CFAP299: variants seen among roughly 807,000 people sequenced by gnomAD.
The protein encoded by CFAP299 is cilia and flagella associated protein 299.
Under a neutral mutation model 27.0 loss-of-function variants are expected in CFAP299, and 21 were observed. The ratio of observed to expected loss-of-function variants is 0.78; its 90% CI spans 0.55 to 1.12. The LOEUF (loss-of-function observed/expected upper bound fraction) is 1.12. CFAP299 is among the 50% of genes most tolerant of loss of function. The pLI is 0.00. For missense variants in CFAP299, 310 were observed against 276.6 expected (o/e 1.12, Z -0.86); for synonymous variants, 104 against 98.1 (o/e 1.06, Z -0.36).
chr4:80,378,276 C>A (rs1442661959), intron 2 of CFAP299, among the ~76,000 whole-genome samples: 1 of 152,066 alleles, frequency 6.6e-6, no homozygotes, highest in East Asian at 1.9e-4. Context: ...TCTCTGTTAA[C>A]CTTTCATCAT....
At chr4:80,741,155 C>G (rs1724241040) in intron 3 of CFAP299, among the ~76,000 whole-genome samples, 1 of 151,394 alleles carries the variant, frequency 6.6e-6, no homozygotes, top group South Asian at 2.1e-4. Context: ...TACTGTTTCA[C>G]TCCTGAACAG....
chr4:80,389,690 G>C (rs984094959), intron 2 of CFAP299, among the ~76,000 whole-genome samples: 4 of 152,144 alleles, frequency 2.6e-5, no homozygotes, highest in African/African-American at 9.7e-5. Context: ...TTGGCTAACC[G>C]AGTTCATTAC....
At chr4:80,726,849 G>C (rs964535222) in intron 3 of CFAP299, among the ~76,000 whole-genome samples, 2 of 152,000 alleles carry the variant, frequency 1.3e-5, no homozygotes, top group Non-Finnish European at 2.9e-5. Flanking sequence ...ACACCCATGA[G>C]ATATTATATA....
At chr4:80,449,405 A>G (rs1268510860) in intron 2 of CFAP299, among the ~76,000 whole-genome samples, 2 of 151,754 alleles carry the variant, frequency 1.3e-5, no homozygotes, top group African/African-American at 2.4e-5. Flanking sequence ...CTCAACCTTC[A>G]TTCTATCTTT....
At chr4:80,392,890 CCTT>C (rs1204123526) in intron 2 of CFAP299, among the ~76,000 whole-genome samples, 1 of 152,058 alleles carries the variant, frequency 6.6e-6, no homozygotes, top group African/African-American at 2.4e-5. Context: ...AAAGTGCACT[CCTT>C]CTACTTATTA....
intron 3 of CFAP299, among the ~76,000 whole-genome samples, chr4:80,834,351 T>C (rs546452749): frequency 6.6e-6 from 1 of 152,310 alleles, no homozygotes; most frequent in East Asian, 1.9e-4. Flanking sequence ...TCTTGGGTCC[T>C]TGTGAGGATA....
intron 3 of CFAP299, among the ~76,000 whole-genome samples, chr4:80,635,643 A>G (rs1441907699): frequency 6.6e-6 from 1 of 152,190 alleles, no homozygotes; most frequent in Admixed American, 6.5e-5. Flanking sequence ...AATTAATAAG[A>G]GAAACATAAA....
intron 2 of CFAP299, among the ~76,000 whole-genome samples, chr4:80,367,774 C>T (rs145947152): frequency 4.6e-5 from 7 of 152,320 alleles, no homozygotes; most frequent in Admixed American, 3.9e-4. Context: ...AGTAATTTAG[C>T]TGATACCCAT....
At chr4:80,489,295 C>T (rs1730993237) in intron 2 of CFAP299, among the ~76,000 whole-genome samples, 1 of 152,116 alleles carries the variant, frequency 6.6e-6, no homozygotes, top group Non-Finnish European at 1.5e-5. Context: ...ATGGCTGCAG[C>T]TTCTCACGCA....
chr4:80,700,650 G>A (rs1423382443), intron 3 of CFAP299, among the ~76,000 whole-genome samples: 1 of 151,976 alleles, frequency 6.6e-6, no homozygotes, highest in Non-Finnish European at 1.5e-5. Flanking sequence ...AGAAACCAGT[G>A]CATTCAGGAA....
intron 3 of CFAP299, among the ~76,000 whole-genome samples, chr4:80,641,146 TAA>T (rs1422848933): frequency 6.6e-6 from 1 of 152,206 alleles, no homozygotes; most frequent in African/African-American, 2.4e-5. Flanking sequence ...ATCTATATTT[TAA>T]AAGTCACTTA....
intron 2 of CFAP299, among the ~76,000 whole-genome samples, chr4:80,542,705 C>G (rs1422911112): frequency 6.6e-6 from 1 of 152,118 alleles, no homozygotes; most frequent in African/African-American, 2.4e-5. Context: ...CCTCACCTAC[C>G]CTGCCAGAGC....
intron 4 of CFAP299, among the ~76,000 whole-genome samples, chr4:80,890,457 G>C (rs1408574804): frequency 6.6e-6 from 1 of 152,036 alleles, no homozygotes. Context: ...ACCTATAAAA[G>C]ACTGATGAAA....
chr4:80,902,286 C>T (rs1734938737), intron 4 of CFAP299, among the ~76,000 whole-genome samples: 1 of 149,034 alleles, frequency 6.7e-6, no homozygotes, highest in African/African-American at 2.5e-5. Context: ...AGAATGGCTC[C>T]TGTTTCTTTA....
chr4:80,597,289 G>T (rs958911329), intron 3 of CFAP299, among the ~76,000 whole-genome samples: 4 of 152,050 alleles, frequency 2.6e-5, no homozygotes, highest in Admixed American at 2.6e-4. Context: ...TTATATCATT[G>T]TAGTTTAAAT....
At chr4:80,665,450 C>CT (rs1291763640) in intron 3 of CFAP299, among the ~76,000 whole-genome samples, 1 of 151,934 alleles carries the variant, frequency 6.6e-6, no homozygotes, top group Non-Finnish European at 1.5e-5. Flanking sequence ...TTAGTTTTCA[C>CT]TTTTTTTACT....
chr4:80,882,746 A>G (rs1385002798), intron 4 of CFAP299, among the ~76,000 whole-genome samples: 3 of 152,204 alleles, frequency 2.0e-5, no homozygotes, highest in Non-Finnish European at 4.4e-5. Flanking sequence ...TTTGTAGCAC[A>G]GAAGAAAATG....
intron 3 of CFAP299, among the ~76,000 whole-genome samples, chr4:80,840,204 A>T (rs73829161): frequency 0.023 from 3,448 of 152,248 alleles, 69 homozygotes; most frequent in African/African-American, 0.055. Flanking sequence ...TATTCAGAAT[A>T]TGTAACTTGA....
At chr4:80,871,314 T>G in intron 4 of CFAP299, 1 of 985,478 alleles carries the variant, frequency 1.0e-6, no homozygotes, top group Non-Finnish European at 1.2e-6. Context: ...TTTTGATTTT[T>G]GGTTGTATCT....
Sources: gnomAD v4.1 joint callset for allele counts (sites outside exome capture counted in the v4.1 genomes callset) on GRCh38, gnomAD v4.1.1 for gene constraint, MANE v1.5 for transcripts, NCBI Gene and HGNC (gene_info 2026-07-23, HGNC 2026-07-21) for gene names.